The following MEAF6 variants were observed in gnomAD, a reference collection of about 807,000 sequenced individuals.
The protein encoded by MEAF6 is MYST/Esa1 associated factor 6.
A neutral mutation model predicts 28.9 loss-of-function variants in MEAF6; 15 were observed. The ratio of observed to expected loss-of-function variants is 0.52; its 90% CI spans 0.35 to 0.80. The LOEUF (loss-of-function observed/expected upper bound fraction) is 0.80. Ranked by LOEUF, MEAF6 falls within the 30% of genes least tolerant of loss-of-function variation. MEAF6 has a pLI of 0.01. For synonymous variants in MEAF6, 97 were observed against 88.7 expected, an observed-to-expected ratio of 1.09 and a Z score of -0.53; for missense variants, 178 against 237.5, an observed-to-expected ratio of 0.75 and a Z score of 1.65.
intron 5 of MEAF6, chr1:37,496,860 C>G (rs910557778): frequency 1.1e-4 from 113 of 1,005,810 alleles, no homozygotes; most frequent in Non-Finnish European, 1.5e-4. Context: ...TCTTAAGCAA[C>G]AAAGTATCAA....
rs1339357994 is a variant in MEAF6, at chr1:37,492,939, A to G, written c.*1160T>C. The G allele has an allele frequency of 6.6e-6, 1 of 151,946 alleles. No individual in the cohort carries two copies. The highest frequency in any genetic ancestry group is 1.5e-5 in the Non-Finnish European group (1 of 67,930). 9.4% of individuals were successfully genotyped at this position (151,946 alleles called of 1,614,324 possible). A position where few individuals can be genotyped will look rare whatever the true frequency, so the allele number is the denominator to read the frequency against. ...CAGTCTCTAGGGATGGGATCCAGGC[A>G]TGAGTATTTTAAAGCTTCTCAGGTG... On this transcript the variant is annotated 3_prime_UTR_variant, in exon 7 of 7. Transcript: ENST00000296214.
Position 37,492,034 on chromosome 1 carries a change from A to ATTT in MEAF6, c.*2062_*2064dup, listed in dbSNP as rs200632365. On this transcript the variant is annotated 3_prime_UTR_variant, in exon 7 of 7. Coordinates refer to ENST00000296214, the MANE Select transcript of MEAF6 (RefSeq NM_001270875.3). ...TCTCAAACTGTTAAGAGTCAAAAATATTTTTTTTTTTTGAGATGGAGTCTC... is the reference window on the plus strand; with the variant it reads ...TCTCAAACTGTTAAGAGTCAAAAATATTTTTTTTTTTTTTTGAGATGGAGTCTC... 7.2e-6 allele frequency among the ~76,000 whole-genome samples: 1 copy of ATTT among 138,402 alleles called. No homozygotes were observed. Among genetic ancestry groups the ATTT allele is most frequent in the South Asian group, 2.3e-4 (1 of 4,406 alleles). 90.8% of individuals were successfully genotyped at this position (138,402 alleles called of 152,430 possible).
At chr1:37,507,870 G>A (rs1405127000) in intron 4 of MEAF6, among the ~76,000 whole-genome samples, 1 of 150,878 alleles carries the variant, frequency 6.6e-6, no homozygotes, top group Non-Finnish European at 1.5e-5. Flanking sequence ...CCAGGAAAGA[G>A]GTTAAGGGCA....
chr1:37,514,664 T>G lies in MEAF6; in HGVS notation c.83A>C (p.Glu28Ala). 6.5e-7 allele frequency: 1 copy of G among 1,539,298 alleles called. No homozygotes were observed. Among genetic ancestry groups the G allele is most frequent in the Non-Finnish European group, 8.7e-7 (1 of 1,147,700 alleles). ...ELAELVKRKQELAETLANLER... is the reference protein window; with the variant it reads ...ELAELVKRKQALAETLANLER... ...CCTGTCCTAGCCCCTCACCGCCAGC[T>G]CCTGCTTCCGCTTCACGAGCTCCGC... The change falls in exon 1 of 7, where the codon GAG becomes GCG. Residue 28 changes from glutamate to alanine, a missense_variant. Glu to Ala is a moderately radical substitution (Grantham distance 107). This residue lies in a region of MEAF6 where 124 missense variants were observed against 200.5 expected (regional missense o/e 0.62). Coordinates refer to ENST00000296214, the MANE Select transcript of MEAF6 (RefSeq NM_001270875.3).
At chr1:37,498,790 G>C (rs573491245) in intron 5 of MEAF6, among the ~76,000 whole-genome samples, 18 of 152,060 alleles carry the variant, frequency 1.2e-4, no homozygotes, top group African/African-American at 3.6e-4. Flanking sequence ...TACTGTTCAG[G>C]TATCATGTAA....
chr1:37,503,160 C>T (rs903232403), intron 4 of MEAF6, among the ~76,000 whole-genome samples: 1 of 152,076 alleles, frequency 6.6e-6, no homozygotes, highest in Admixed American at 6.6e-5. Context: ...TGGTCTCAAA[C>T]TCCTGGGCTT....
At chr1:37,495,706 A>AAC (rs1553162318) in intron 6 of MEAF6, among the ~76,000 whole-genome samples, 179 bp downstream of exon 6, 15 of 121,278 alleles carry the variant, frequency 1.2e-4, no homozygotes, top group Non-Finnish European at 1.8e-4. Context: ...ACAAAAAACA[A>AAC]AAAAAAAAAA....
intron 4 of MEAF6, 128 bp from the exon 5 acceptor site, chr1:37,502,124 TGTTG>T (rs1642326674): frequency 5.2e-5 from 2 of 38,624 alleles, no homozygotes; most frequent in African/African-American, 7.4e-5. Flanking sequence ...AGAAGATACA[TGTTG>T]ACAGAGAAGA....
chr1:37,510,542 C>T (rs923243376), intron 2 of MEAF6, among the ~76,000 whole-genome samples: 2 of 150,462 alleles, frequency 1.3e-5, no homozygotes, highest in Admixed American at 6.6e-5. Context: ...CCACCATGCC[C>T]GGCTAATTTT....
intron 2 of MEAF6, among the ~76,000 whole-genome samples, chr1:37,512,939 C>T (rs1364654051): frequency 6.6e-6 from 1 of 152,034 alleles, no homozygotes; most frequent in African/African-American, 2.4e-5. Flanking sequence ...ACCTGTAATC[C>T]CAACACTTTG....
At position 37,506,661 on chromosome 1, in the gene MEAF6, G is replaced by A. The variant is rs1222451063; in HGVS notation, c.340+2617C>T. ...GCCTCCCAAAGTGCTGGAATTTTAA[G>A]TGTGAGCCATCTCGCCAGCCTTTTC... is the stretch of plus-strand genomic sequence containing the variant. On this transcript the variant is annotated intron_variant, in intron 4 of 6. Coordinates refer to ENST00000296214, the MANE Select transcript of MEAF6 (RefSeq NM_001270875.3). Among the ~76,000 whole-genome samples, 6 of 152,316 alleles carry A rather than the reference G, an allele frequency of 3.9e-5. No individual in the cohort carries two copies. The East Asian group carries it at 1.2e-3, about 29-fold the overall frequency.
In MEAF6 at chr1:37,504,526, T is replaced by C. The variant is rs186345172; in HGVS notation, c.341-2530A>G. Among the ~76,000 whole-genome samples the C allele has an allele frequency of 3.9e-5, 6 of 152,046 alleles. No individual in the cohort carries two copies. The East Asian group carries it at 1.2e-3, about 30-fold the overall frequency. On this transcript the variant is annotated intron_variant, in intron 4 of 6. Coordinates refer to ENST00000296214, the MANE Select transcript of MEAF6 (RefSeq NM_001270875.3). ...TGGCTCATGTCTGTAATCCCAGCAC[T>C]CTGGAAAGCCGACACAAGTGGATCA...
chr1:37,507,829 A>C (rs1203853679), intron 4 of MEAF6, among the ~76,000 whole-genome samples: 4 of 152,130 alleles, frequency 2.6e-5, no homozygotes, highest in Non-Finnish European at 5.9e-5. Flanking sequence ...CGTCTTAAAA[A>C]AAAAAAAAAA....
At chr1:37,503,179 C>A (rs1281724204) in intron 4 of MEAF6, among the ~76,000 whole-genome samples, 1 of 152,116 alleles carries the variant, frequency 6.6e-6, no homozygotes, top group Non-Finnish European at 1.5e-5. Flanking sequence ...TTAAGCAGTC[C>A]TCCTGCTTCA....
At chr1:37,502,077 G>A in intron 4 of MEAF6, 81 bp from the exon 5 acceptor site, 1 of 1,227,418 alleles carries the variant, frequency 8.1e-7, no homozygotes, top group Non-Finnish European at 1.1e-6. Flanking sequence ...AACACTAATA[G>A]GTAGAAAAAA....
intron 5 of MEAF6, among the ~76,000 whole-genome samples, chr1:37,497,129 A>T (rs1277241850): frequency 6.6e-6 from 1 of 152,248 alleles, no homozygotes; most frequent in Non-Finnish European, 1.5e-5. Flanking sequence ...GAGTGCTAAC[A>T]ACTCAGCATA....
At chr1:37,494,187 A>C (rs904148603) in intron 6 of MEAF6, 80 bp from the exon 7 acceptor site, 64 of 1,214,622 alleles carry the variant, frequency 5.3e-5, no homozygotes, top group Non-Finnish European at 7.3e-5. Context: ...AAAATCTCAT[A>C]AACAACTCTA....
chr1:37,513,481 C>A lies in MEAF6; in HGVS notation c.148G>T (p.Asp50Tyr). ...ATAATATTGCCATACATCTGAGTGTCTTCCAGGTAGCTTCCCTCAAAAGCA... is the reference window on the plus strand; with the variant it reads ...ATAATATTGCCATACATCTGAGTGTATTCCAGGTAGCTTCCCTCAAAAGCA... ...IYAFEGSYLEDTQMYGNIIRG... is the reference protein window; with the variant it reads ...IYAFEGSYLEYTQMYGNIIRG... The change falls in exon 2 of 7, where the codon GAC becomes TAC. Residue 50 changes from aspartate (D) to tyrosine (Y), a missense_variant. By Grantham distance (160) the Asp-to-Tyr change is radical. Around this residue, in one of 2 missense-constraint regions of MEAF6, gnomAD observed 124 missense variants for 200.5 expected, o/e 0.62. Coordinates refer to ENST00000296214, the MANE Select transcript of MEAF6 (RefSeq NM_001270875.3). The A allele has an allele frequency of 6.2e-7, 1 of 1,614,218 alleles. No homozygotes were observed. Among genetic ancestry groups the A allele is most frequent in the Non-Finnish European group, 8.5e-7 (1 of 1,180,034 alleles).
At chr1:37,496,578 C>A in intron 5 of MEAF6, 1 of 1,440,700 alleles carries the variant, frequency 6.9e-7, no homozygotes, top group Non-Finnish European at 9.2e-7. Flanking sequence ...TTAAAAAAAA[C>A]TTCCCAGCCT....
Sources: allele counts gnomAD v4.1 joint callset (sites outside exome capture counted in the v4.1 genomes callset), GRCh38; gene constraint gnomAD v4.1.1; regional missense constraint gnomAD v4.1.1; transcripts MANE v1.5; gene names NCBI Gene and HGNC (gene_info 2026-07-23, HGNC 2026-07-21).